Variants in TAFA4 observed in about 807,000 individuals in gnomAD.
TAFA4 encodes chemokine-like protein TAFA-4.
TAFA4 carries 20 observed loss-of-function variants against 21.1 expected under a neutral mutation model. That is an observed-to-expected ratio of 0.95 (90% CI 0.67 to 1.38). The LOEUF (loss-of-function observed/expected upper bound fraction) is 1.38. TAFA4 is among the 40% of genes most tolerant of loss of function. TAFA4 has a pLI of 0.00. For synonymous variants in TAFA4, 71 were observed against 67.4 expected (o/e 1.05, Z -0.26); for missense variants, 211 against 180.9 (o/e 1.17, Z -0.95).
chr3:68,771,361 G>A lies in TAFA4; in HGVS notation c.131-18343C>T, dbSNP rs368159518. ...CACATCCACTGGGGCTTCGGGAATC[G>A]CAGACATGACACCCCTAGACACTGC... is the stretch of plus-strand genomic sequence containing the variant. On this transcript the variant is annotated intron_variant, in intron 3 of 5. Coordinates refer to ENST00000295569, the MANE Select transcript of TAFA4 (RefSeq NM_182522.5). 9.8e-5 allele frequency among the ~76,000 whole-genome samples: 15 copies of A among 152,326 alleles called. No homozygotes were observed. The East Asian group carries it at 1.5e-3, about 16-fold the overall frequency.
intron 1 of TAFA4, among the ~76,000 whole-genome samples, chr3:68,907,578 A>G (rs1418638037): frequency 6.6e-6 from 1 of 152,208 alleles, no homozygotes; most frequent in African/African-American, 2.4e-5. Flanking sequence ...TCCAGTCTGC[A>G]TCTGTGTTCC....
intron 3 of TAFA4, among the ~76,000 whole-genome samples, chr3:68,812,533 T>C (rs1703866083): frequency 1.3e-5 from 2 of 152,092 alleles, no homozygotes; most frequent in Non-Finnish European, 2.9e-5. Context: ...TCCTAGTCTC[T>C]GATAAAACAG....
chr3:68,850,727 A>AG (rs911807793), intron 3 of TAFA4, among the ~76,000 whole-genome samples: 5 of 117,154 alleles, frequency 4.3e-5, no homozygotes, highest in Non-Finnish European at 9.4e-5. Context: ...CATTTTTAAC[A>AG]GGGTTTTTTT....
intron 3 of TAFA4, among the ~76,000 whole-genome samples, chr3:68,837,829 TTTTTG>T (rs1268294470): frequency 1.3e-5 from 2 of 152,236 alleles, no homozygotes; most frequent in East Asian, 3.9e-4. Flanking sequence ...ATTAATGACT[TTTTTG>T]TTTTGGTTTG....
chr3:68,883,662 G>A lies in TAFA4; in HGVS notation c.14+1513C>T, dbSNP rs540616758. Among the ~76,000 whole-genome samples, 36 of 152,224 alleles carry A rather than the reference G, an allele frequency of 2.4e-4. 1 individual carries two copies. Among genetic ancestry groups the A allele is most frequent in the African/African-American group, 6.3e-4 (26 of 41,526 alleles). On this transcript the variant is annotated intron_variant, in intron 2 of 5. Coordinates refer to ENST00000295569, the MANE Select transcript of TAFA4 (RefSeq NM_182522.5). ...AACTTGATAAAACCATAAATTGATC[G>A]ATAATTTGATCATGTATGTCAAACG... is the stretch of plus-strand genomic sequence containing the variant.
intron 3 of TAFA4, among the ~76,000 whole-genome samples, chr3:68,768,548 A>C (rs921050280): frequency 6.6e-6 from 1 of 152,212 alleles, no homozygotes; most frequent in South Asian, 2.1e-4. Flanking sequence ...GGTTCCTCAA[A>C]AAATTAAAAA....
chr3:68,877,887 C>A (rs1168597137), intron 3 of TAFA4, among the ~76,000 whole-genome samples: 1 of 152,188 alleles, frequency 6.6e-6, no homozygotes, highest in African/African-American at 2.4e-5. Context: ...TTACTATGTG[C>A]TAATCCCTTC....
intron 1 of TAFA4, among the ~76,000 whole-genome samples, chr3:68,900,704 A>G (rs2089837018): frequency 6.6e-6 from 1 of 152,208 alleles, no homozygotes; most frequent in African/African-American, 2.4e-5. Flanking sequence ...CTAGCCCTTA[A>G]CAGAGCAAGT....
intron 3 of TAFA4, among the ~76,000 whole-genome samples, chr3:68,852,077 A>T (rs1337784117): frequency 3.9e-5 from 6 of 152,186 alleles, no homozygotes; most frequent in African/African-American, 1.4e-4. Flanking sequence ...AACAGTCCCT[A>T]CCTGAAGTCT....
At chr3:68,737,619 T>C (rs1702268648) in intron 5 of TAFA4, among the ~76,000 whole-genome samples, 1 of 152,218 alleles carries the variant, frequency 6.6e-6, no homozygotes, top group Non-Finnish European at 1.5e-5. Flanking sequence ...TGTAGAATCA[T>C]ATTTTCTATT....
intron 1 of TAFA4, among the ~76,000 whole-genome samples, chr3:68,927,162 T>G (rs1286726188): frequency 6.6e-6 from 1 of 152,212 alleles, no homozygotes; most frequent in Non-Finnish European, 1.5e-5. Context: ...AGTTTCTTCC[T>G]TGCTGAAAAC....
chr3:68,737,119 T>C (rs571136780), intron 5 of TAFA4, among the ~76,000 whole-genome samples: 10 of 152,282 alleles, frequency 6.6e-5, no homozygotes, highest in Admixed American at 2.6e-4. Context: ...TCTTGTTTTA[T>C]ATTTATATAT....
In TAFA4 at chr3:68,778,462, A is replaced by G. The variant is rs530801281; in HGVS notation, c.131-25444T>C. ...CACGCAATTACAGTTGGAGACTGAT[A>G]TGGTTTGGCTGTGCCCTCACCCAAA... is the stretch of plus-strand genomic sequence containing the variant. On this transcript the variant is annotated intron_variant, in intron 3 of 5. Transcript: ENST00000295569. Among the ~76,000 whole-genome samples, 7 of 152,314 alleles carry G rather than the reference A, an allele frequency of 4.6e-5. No individual in the cohort carries two copies. The East Asian group carries it at 1.3e-3, about 29-fold the overall frequency.
chr3:68,831,774 T>C (rs1704401015), intron 3 of TAFA4, among the ~76,000 whole-genome samples: 1 of 152,146 alleles, frequency 6.6e-6, no homozygotes, highest in Admixed American at 6.5e-5. Flanking sequence ...TCCTGAAGAG[T>C]GTTTTCCAGC....
intron 1 of TAFA4, among the ~76,000 whole-genome samples, chr3:68,909,390 C>T (rs1462197974): frequency 6.6e-6 from 1 of 152,184 alleles, no homozygotes; most frequent in Non-Finnish European, 1.5e-5. Context: ...GACCTGTCGT[C>T]ACCATACTCA....
chr3:68,806,787 A>G (rs369593363), intron 3 of TAFA4, among the ~76,000 whole-genome samples: 4 of 152,186 alleles, frequency 2.6e-5, no homozygotes, highest in African/African-American at 9.7e-5. Context: ...TACCATGAGA[A>G]AAAAACAAGA....
chr3:68,845,797 T>G (rs1211185073), intron 3 of TAFA4, among the ~76,000 whole-genome samples: 1 of 152,234 alleles, frequency 6.6e-6, no homozygotes, highest in Non-Finnish European at 1.5e-5. Flanking sequence ...TGGCTGGATG[T>G]GAAATTCTGG....
At chr3:68,761,181 GTT>G (rs1702749656) in intron 3 of TAFA4, among the ~76,000 whole-genome samples, 2 of 152,172 alleles carry the variant, frequency 1.3e-5, no homozygotes, top group South Asian at 4.1e-4. Flanking sequence ...CAATTATGAA[GTT>G]TAAATAAAGT....
chr3:68,893,325 T>C lies in TAFA4; in HGVS notation c.-122-8015A>G, dbSNP rs552542267. On this transcript the variant is annotated intron_variant, in intron 1 of 5. Transcript: ENST00000295569. ...GGTCTTCTAATACTATCATCATTAC[T>C]ATGGGCAAGTGGGAGTCTATTTACT... Among the ~76,000 whole-genome samples the C allele has an allele frequency of 2.4e-4, 37 of 152,324 alleles. No homozygotes were observed. In the South Asian group the frequency reaches 6.0e-3, roughly 25 times the overall value.
Sources: gnomAD v4.1 joint callset for allele counts (sites outside exome capture counted in the v4.1 genomes callset) on GRCh38, gnomAD v4.1.1 for gene constraint, MANE v1.5 for transcripts, NCBI Gene and HGNC (gene_info 2026-07-23, HGNC 2026-07-21) for gene names.